FBP1: variants seen among roughly 807,000 people sequenced by gnomAD.
FBP1 encodes the protein fructose-1,6-bisphosphatase 1.
FBP1 carries 22 observed loss-of-function variants against 29.9 expected under a neutral mutation model. The observed-to-expected ratio is 0.74, with a 90% CI of 0.53 to 1.05. The LOEUF is 1.05. FBP1 is among the 50% of genes least tolerant of loss of function. The pLI is 0.00. For missense variants in FBP1, 345 were observed against 448.2 expected, an observed-to-expected ratio of 0.77 and a Z score of 2.08; for synonymous variants, 175 against 178.6, an observed-to-expected ratio of 0.98 and a Z score of 0.16.
rs74548278 is a variant in FBP1 at position 94,636,604 on chromosome 9, C to T, written c.170+2537G>A. Among the ~76,000 whole-genome samples, 1,233 of 152,186 alleles carry T rather than the reference C, an allele frequency of 8.1e-3. 13 individuals carry two copies. Among genetic ancestry groups the T allele is most frequent in the African/African-American group, 0.028 (1,183 of 41,530 alleles). On this transcript the variant is annotated intron_variant, in intron 1 of 6. Coordinates refer to ENST00000375326, the MANE Select transcript of FBP1 (RefSeq NM_000507.4). Reference sequence around the variant, plus strand: ...TAAGGTTACTTAGACAGTGGGACACCTCAAAACACATCTTACATTTCTCAG... The same window carrying T: ...TAAGGTTACTTAGACAGTGGGACACTTCAAAACACATCTTACATTTCTCAG...
At chr9:94,612,549 A>ATTTTTTTTTTTTTTTTTTTTTTTTTT in intron 3 of FBP1, among the ~76,000 whole-genome samples, 1 of 108,028 alleles carries the variant, frequency 9.3e-6, no homozygotes, top group Non-Finnish European at 1.8e-5. Flanking sequence ...CCAGCCCCCA[A>ATTTTTTTTTTTTTTTTTTTTTTTTTT]TTTTTTTTTT....
rs28369749 is a variant in FBP1, at chr9:94,607,668, C to T, written c.568-716G>A. Among the ~76,000 whole-genome samples, 1,152 of 152,182 alleles carry T rather than the reference C, an allele frequency of 7.6e-3. 18 individuals are homozygous for T. Among genetic ancestry groups the T allele is most frequent in the African/African-American group, 0.026 (1,084 of 41,522 alleles). On this transcript the variant is annotated intron_variant, in intron 4 of 6. Coordinates refer to ENST00000375326, the MANE Select transcript of FBP1 (RefSeq NM_000507.4). Reference sequence around the variant, plus strand: ...AAGTGTTGCAGAAGTCCTATTGCTCCGGATTGAGGATTGTTATGGGTTCCT... The same window carrying T: ...AAGTGTTGCAGAAGTCCTATTGCTCTGGATTGAGGATTGTTATGGGTTCCT...
chr9:94,630,717 C>T (rs916649502), intron 1 of FBP1, among the ~76,000 whole-genome samples: 10 of 152,226 alleles, frequency 6.6e-5, no homozygotes, highest in South Asian at 4.1e-4. Flanking sequence ...CATAACACAA[C>T]CATGCGGAGA....
In FBP1 at chr9:94,639,482, C is replaced by G; in HGVS notation, c.-172G>C. On this transcript the variant is annotated 5_prime_UTR_variant, in exon 1 of 7. Coordinates refer to ENST00000375326, the MANE Select transcript of FBP1 (RefSeq NM_000507.4). Reference sequence around the variant, plus strand: ...GAGGACTGACAGACCGACTGCCGCCCCGAGTGTCCGCAGCGCTCGTGGTGC... The same window carrying G: ...GAGGACTGACAGACCGACTGCCGCCGCGAGTGTCCGCAGCGCTCGTGGTGC... 1 of 730,868 alleles carries G rather than the reference C, an allele frequency of 1.4e-6. No individual in the cohort carries two copies. The highest frequency in any genetic ancestry group is 2.7e-5 in the East Asian group (1 of 37,090). The allele number at this position is 730,868 out of a possible 1,614,324, so 45.3% of individuals were successfully genotyped here.
chr9:94,628,397 A>AT (rs33930464), intron 1 of FBP1, among the ~76,000 whole-genome samples: 1 of 150,880 alleles, frequency 6.6e-6, no homozygotes, highest in African/African-American at 2.4e-5. Context: ...AAAAAAAAAA[A>AT]TTTATCATAG....
chr9:94,638,027 G>A (rs567480330), intron 1 of FBP1, among the ~76,000 whole-genome samples: 10 of 150,780 alleles, frequency 6.6e-5, no homozygotes, highest in South Asian at 4.2e-4. Flanking sequence ...CAGAGGTTGC[G>A]GTGAGCCAAG....
At position 94,608,298 on chromosome 9, in the gene FBP1, C is replaced by T. The variant is rs28369744; in HGVS notation, c.568-1346G>A. On this transcript the variant is annotated intron_variant, in intron 4 of 6. Transcript: ENST00000375326. Reference sequence around the variant, plus strand: ...CGGGAGGCTCAGCCCCGTCAGGCACCGCAGACAGAAGGGCTGGAATCAAAT... The same window carrying T: ...CGGGAGGCTCAGCCCCGTCAGGCACTGCAGACAGAAGGGCTGGAATCAAAT... 6.6e-5 allele frequency among the ~76,000 whole-genome samples: 10 copies of T among 152,216 alleles called. No individual in the cohort carries two copies. The East Asian group carries it at 1.2e-3, about 18-fold the overall frequency.
chr9:94,613,421 TG>T (rs1827813854), intron 3 of FBP1, among the ~76,000 whole-genome samples: 1 of 152,192 alleles, frequency 6.6e-6, no homozygotes, highest in African/African-American at 2.4e-5. Flanking sequence ...CAAACCATGA[TG>T]GTTACCCAGC....
chr9:94,618,770 G>A (rs1293793349), intron 2 of FBP1, among the ~76,000 whole-genome samples: 4 of 152,138 alleles, frequency 2.6e-5, no homozygotes, highest in East Asian at 1.9e-4. Context: ...GGCTGGTATC[G>A]GCTCTCAGGA....
chr9:94,616,447 A>ATGTGTATAT, intron 3 of FBP1, among the ~76,000 whole-genome samples: 1 of 71,306 alleles, frequency 1.4e-5, no homozygotes, highest in African/African-American at 4.7e-5. Flanking sequence ...ATATATATAT[A>ATGTGTATAT]CTTTTTTTTT....
chr9:94,607,718 C>T (rs746182607), intron 4 of FBP1, among the ~76,000 whole-genome samples: 13 of 151,950 alleles, frequency 8.6e-5, no homozygotes, highest in African/African-American at 2.9e-4. Flanking sequence ...AGAGGGTGAT[C>T]GAGGCTCTGC....
chr9:94,607,741 G>A (rs1827722420), intron 4 of FBP1, among the ~76,000 whole-genome samples: 1 of 151,976 alleles, frequency 6.6e-6, no homozygotes, highest in South Asian at 2.1e-4. Flanking sequence ...ATTTAGGAGG[G>A]GCTTGACGTT....
At chr9:94,609,789 C>T in intron 4 of FBP1, 132 bp downstream of exon 4, 1 of 1,034,200 alleles carries the variant, frequency 9.7e-7, no homozygotes, top group Non-Finnish European at 1.5e-6. Flanking sequence ...CCCTTTCCAC[C>T]ACACATCATC....
chr9:94,608,558 C>T (rs1038974374), intron 4 of FBP1, among the ~76,000 whole-genome samples: 13 of 152,196 alleles, frequency 8.5e-5, no homozygotes, highest in African/African-American at 3.1e-4. Context: ...GCCCGAAATT[C>T]CATCCTGGGC....
chr9:94,635,874 G>A (rs1242663293), intron 1 of FBP1, among the ~76,000 whole-genome samples: 1 of 152,216 alleles, frequency 6.6e-6, no homozygotes, highest in African/African-American at 2.4e-5. Flanking sequence ...GGTAGATGTA[G>A]ATGTCCCGAT....
intron 3 of FBP1, among the ~76,000 whole-genome samples, chr9:94,612,487 G>A (rs187416297): frequency 1.2e-4 from 18 of 150,014 alleles, no homozygotes; most frequent in Admixed American, 9.3e-4. Flanking sequence ...TACTCAAAAC[G>A]AAGAGAAAAT....
At chr9:94,622,434 A>G (rs1208680876) in intron 1 of FBP1, among the ~76,000 whole-genome samples, 1 of 152,248 alleles carries the variant, frequency 6.6e-6, no homozygotes, top group Non-Finnish European at 1.5e-5. Context: ...TCCCTGATCC[A>G]GTGGCCGTGA....
At chr9:94,606,992 G>A (rs369982057) in intron 4 of FBP1, 40 bp from the exon 5 acceptor site, 24 of 1,613,334 alleles carry the variant, frequency 1.5e-5, no homozygotes, top group South Asian at 2.2e-5. Context: ...GATGACGAGC[G>A]CACTGGGTCC....
chr9:94,614,920 A>AT, intron 3 of FBP1, among the ~76,000 whole-genome samples: 1 of 151,918 alleles, frequency 6.6e-6, no homozygotes, highest in African/African-American at 2.4e-5. Context: ...TTATTTATTT[A>AT]TTTTTTGAGA....
Sources: allele counts gnomAD v4.1 joint callset (sites outside exome capture counted in the v4.1 genomes callset), GRCh38; gene constraint gnomAD v4.1.1; transcripts MANE v1.5; gene names NCBI Gene and HGNC (gene_info 2026-07-23, HGNC 2026-07-21).